The following PRKAR1A variants were observed in gnomAD, a reference collection of about 807,000 sequenced individuals.
PRKAR1A encodes the protein cAMP-dependent protein kinase type I-alpha regulatory subunit.
PRKAR1A carries 3 observed loss-of-function variants against 52.0 expected under a neutral mutation model. That is an observed-to-expected ratio of 0.06 (90% CI 0.03 to 0.15). The LOEUF (loss-of-function observed/expected upper bound fraction) is 0.15. Among genes scored for constraint, PRKAR1A ranks in the 10% least tolerant of loss-of-function variants. The pLI is 1.00. For missense variants in PRKAR1A, 240 were observed against 477.4 expected (o/e 0.50, Z 4.63); for synonymous variants, 188 against 168.4 (o/e 1.12, Z -0.90).
At chr17:68,524,255 C>A in intron 5 of PRKAR1A, 178 bp downstream of exon 5, 1 of 625,850 alleles carries the variant, frequency 1.6e-6, no homozygotes, top group Non-Finnish European at 2.8e-6. Context: ...ATGGACAGAA[C>A]ACTTTGTATT....
chr17:68,485,941 G>A, the PRKAR1A span, among the ~76,000 whole-genome samples: 3 of 152,098 alleles, frequency 2.0e-5, no homozygotes, highest in African/African-American at 7.2e-5. Flanking sequence ...GTTCTACCAT[G>A]TTGATCAGGC....
chr17:68,525,615 T>C (rs1179756100), intron 6 of PRKAR1A, 139 bp from the exon 7 acceptor site: 1 of 879,556 alleles, frequency 1.1e-6, no homozygotes, highest in African/African-American at 1.7e-5. Flanking sequence ...TTCTTCTCTG[T>C]TGTGTACTGC....
the PRKAR1A span, chr17:68,457,220 G>C: frequency 1.7e-6 from 2 of 1,209,842 alleles, no homozygotes; most frequent in African/African-American, 1.6e-5. Flanking sequence ...GTCCGAAGCA[G>C]ACACCGGCCC....
chr17:68,421,956 G>A, the PRKAR1A span: 11 of 1,037,390 alleles, frequency 1.1e-5, no homozygotes, highest in East Asian at 7.2e-5. Flanking sequence ...GTCTGAACTC[G>A]CTCATGGCCA....
the PRKAR1A span, chr17:68,457,457 G>A: frequency 6.2e-6 from 9 of 1,457,608 alleles, no homozygotes; most frequent in East Asian, 1.8e-4. Flanking sequence ...GCTCGGAGCC[G>A]GCGACAGCCA....
the PRKAR1A span, among the ~76,000 whole-genome samples, chr17:68,489,420 A>G: frequency 9.5e-6 from 1 of 105,198 alleles, no homozygotes; most frequent in African/African-American, 3.4e-5. Flanking sequence ...ATATATATGG[A>G]AAGTATATAT....
chr17:68,540,874 G>C (rs755227355), intron 11 of PRKAR1A: 1 of 1,604,160 alleles, frequency 6.2e-7, no homozygotes, highest in Non-Finnish European at 8.5e-7. Context: ...AGATGGCCAT[G>C]TCGATGACAT....
downstream of PRKAR1A, among the ~76,000 whole-genome samples, chr17:68,533,595 A>G (rs1446809530): frequency 1.3e-5 from 2 of 152,198 alleles, no homozygotes; most frequent in African/African-American, 4.8e-5. Context: ...TCTAACCACA[A>G]ATAATAGCTG....
Position 68,524,943 on chromosome 17 carries a change from T to G in PRKAR1A, c.534T>G (p.Asp178Glu), listed in dbSNP as rs2085739503. 3 of 1,610,276 alleles carry G rather than the reference T, an allele frequency of 1.9e-6. No individual in the cohort carries two copies. The highest frequency in any genetic ancestry group is 2.5e-6 in the Non-Finnish European group (3 of 1,176,634). ...AAGGGGATAACTTCTATGTGATTGATCAAGGAGAGACGGATGTAAGATTTA... is the reference window on the plus strand; with the variant it reads ...AAGGGGATAACTTCTATGTGATTGAGCAAGGAGAGACGGATGTAAGATTTA... ...GDEGDNFYVI[D>E]QGETDVYVNN... is the part of the protein sequence containing the mutation. The change falls in exon 6 of 11, where the codon GAT becomes GAG. Residue 178 changes from aspartate (D) to glutamate (E), a missense_variant. Transcript: ENST00000589228.
upstream of PRKAR1A, chr17:68,511,770 G>C (rs1213969220): frequency 6.6e-6 from 1 of 152,004 alleles, no homozygotes; most frequent in Non-Finnish European, 1.5e-5. Flanking sequence ...CACAGGATGC[G>C]CGGCCCGGAG....
chr17:68,492,172 A>T, the PRKAR1A span, among the ~76,000 whole-genome samples: 1 of 152,244 alleles, frequency 6.6e-6, no homozygotes, highest in African/African-American at 2.4e-5. Flanking sequence ...CTTGCTCCTG[A>T]GGCCGATGGT....
chr17:68,421,581 C>T, the PRKAR1A span: 76 of 671,054 alleles, frequency 1.1e-4, no homozygotes, highest in East Asian at 3.5e-4. Flanking sequence ...ATGTCTCCCG[C>T]GCCCATTGGC....
At chr17:68,427,968 C>T in the PRKAR1A span, among the ~76,000 whole-genome samples, 1 of 152,144 alleles carries the variant, frequency 6.6e-6, no homozygotes, top group African/African-American at 2.4e-5. Context: ...CAGCTTACTG[C>T]AGTCTTGACC....
chr17:68,539,538 C>T, intron 11 of PRKAR1A: 1 of 763,294 alleles, frequency 1.3e-6, no homozygotes, highest in South Asian at 1.5e-5. Context: ...TCCAGCCCCT[C>T]TCCCCAGTCA....
chr17:68,525,067 C>T, intron 6 of PRKAR1A, 109 bp downstream of exon 6: 6 of 871,848 alleles, frequency 6.9e-6, no homozygotes, highest in Non-Finnish European at 1.1e-5. Flanking sequence ...CCTTGTATGT[C>T]AGATTTTATT....
chr17:68,544,408 A>C (rs561584353), intron 11 of PRKAR1A, among the ~76,000 whole-genome samples: 4 of 152,134 alleles, frequency 2.6e-5, no homozygotes, highest in Admixed American at 6.5e-5. Flanking sequence ...AGTGCTTTTT[A>C]ATCCTTAAGG....
At chr17:68,522,600 CT>C (rs1319203829) in intron 2 of PRKAR1A, among the ~76,000 whole-genome samples, 155 bp from the exon 3 acceptor site, 2 of 151,668 alleles carry the variant, frequency 1.3e-5, no homozygotes, top group South Asian at 4.2e-4. Flanking sequence ...GTGTTACTCT[CT>C]TTTTTTCCCC....
the PRKAR1A span, chr17:68,421,057 G>A: frequency 6.4e-6 from 1 of 155,090 alleles, no homozygotes; most frequent in Non-Finnish European, 1.4e-5. Flanking sequence ...AGTAGATCCT[G>A]AAATCCTACA....
rs2143383527 is a variant in PRKAR1A at position 68,529,958 on chromosome 17, A to G, written c.930A>G (p.Glu310=). Reference sequence around the variant, plus strand: ...TGCTACAACGTCGGTCAGAAAATGAAGAGTTTGTTGAAGTGGGAAGATTGG... The same window carrying G: ...TGCTACAACGTCGGTCAGAAAATGAGGAGTTTGTTGAAGTGGGAAGATTGG... ...AAVLQRRSEN[E]EFVEVGRLGP... The change falls in exon 10 of 11, where the codon GAA becomes GAG. Residue 310 remains glutamate (E), a synonymous_variant. Transcript: ENST00000589228. 1.2e-6 allele frequency: 2 copies of G among 1,614,076 alleles called. No individual in the cohort carries two copies. The highest frequency in any genetic ancestry group is 2.2e-5 in the South Asian group (2 of 91,086).
Sources: allele counts gnomAD v4.1 joint callset (sites outside exome capture counted in the v4.1 genomes callset), GRCh38; gene constraint gnomAD v4.1.1; transcripts MANE v1.5; gene names NCBI Gene and HGNC (gene_info 2026-07-23, HGNC 2026-07-21).